The following SYT10 variants were observed in gnomAD, a reference collection of about 807,000 sequenced individuals.
SYT10 encodes the protein synaptotagmin-10.
In SYT10, 31 loss-of-function variants were observed where a neutral mutation model predicts 51.1. That is an observed-to-expected ratio of 0.61 (90% CI 0.46 to 0.82). The LOEUF (loss-of-function observed/expected upper bound fraction) is 0.82, where lower values mean the gene tolerates loss of function less well. SYT10 is among the 40% of genes least tolerant of loss of function. SYT10 has a pLI of 0.00. For missense variants in SYT10, 603 were observed against 634.0 expected (o/e 0.95, Z 0.53); for synonymous variants, 233 against 225.9 (o/e 1.03, Z -0.28).
chr12:33,438,502 A>G (rs2138445730), intron 1 of SYT10, among the ~76,000 whole-genome samples: 1 of 152,096 alleles, frequency 6.6e-6, no homozygotes, highest in East Asian at 1.9e-4. Context: ...AGTGGCTTGG[A>G]TTCGATCCTT....
chr12:33,439,416 C>G lies in SYT10; in HGVS notation c.107G>C (p.Gly36Ala). The G allele has an allele frequency of 6.2e-7, 1 of 1,614,124 alleles. No homozygotes were observed. Among genetic ancestry groups the G allele is most frequent in the Non-Finnish European group, 8.5e-7 (1 of 1,180,024 alleles). ...GCTGCCCCTGTCCCGAGGGAAGATG[C>G]CCGAGCACTTCTCCCACTCCACCTG... is the stretch of plus-strand genomic sequence containing the variant. ...AGQVEWEKCSGIFPRDRGSQG... is the reference protein window; with the variant it reads ...AGQVEWEKCSAIFPRDRGSQG... The change falls in exon 1 of 7, where the codon GGC becomes GCC. Residue 36 changes from glycine to alanine, a missense_variant. Gly to Ala is a moderately conservative substitution (Grantham distance 60). Transcript: ENST00000228567.
chr12:33,430,737 C>G (rs894664677), intron 1 of SYT10, among the ~76,000 whole-genome samples: 5 of 152,178 alleles, frequency 3.3e-5, no homozygotes, highest in Non-Finnish European at 7.4e-5. Flanking sequence ...TTTCCTGCTT[C>G]CTGTTGTTGC....
At chr12:33,437,438 T>C (rs894449372) in intron 1 of SYT10, among the ~76,000 whole-genome samples, 1 of 152,238 alleles carries the variant, frequency 6.6e-6, no homozygotes, top group African/African-American at 2.4e-5. Context: ...ACTATTTCTA[T>C]AATTCATATA....
At chr12:33,409,126 T>A (rs1488159844) in intron 2 of SYT10, among the ~76,000 whole-genome samples, 7 of 152,176 alleles carry the variant, frequency 4.6e-5, no homozygotes, top group Admixed American at 6.5e-5. Flanking sequence ...ACTTCTGTTG[T>A]CTATTGCAGC....
At chr12:33,401,362 T>C (rs6488159) in intron 3 of SYT10, among the ~76,000 whole-genome samples, 93,221 of 151,978 alleles carry the variant, frequency 0.61, 29,776 homozygotes, top group East Asian at 0.89. Context: ...TCTATGCTCG[T>C]ATTAGAGGTG....
intron 3 of SYT10, among the ~76,000 whole-genome samples, chr12:33,400,062 T>C (rs944818849): frequency 6.6e-6 from 1 of 152,202 alleles, no homozygotes; most frequent in African/African-American, 2.4e-5. Context: ...AGACAGCCCC[T>C]GACCAGAAAG....
chr12:33,395,886 T>C (rs1360740703), intron 3 of SYT10, among the ~76,000 whole-genome samples: 3 of 152,166 alleles, frequency 2.0e-5, no homozygotes, highest in African/African-American at 7.2e-5. Context: ...TTCCTTTCTC[T>C]TTAGTATATT....
chr12:33,388,206 TA>T (rs1866175114), intron 3 of SYT10, among the ~76,000 whole-genome samples: 1 of 152,198 alleles, frequency 6.6e-6, no homozygotes, highest in South Asian at 2.1e-4. Flanking sequence ...AATGCCTCAG[TA>T]ACTTAAACTC....
At chr12:33,422,367 T>A (rs530194292) in intron 2 of SYT10, among the ~76,000 whole-genome samples, 2 of 152,312 alleles carry the variant, frequency 1.3e-5, no homozygotes, top group East Asian at 3.9e-4. Flanking sequence ...TTTCCTGATT[T>A]TTATTACACT....
chr12:33,439,086 G>A (rs1422123407), intron 1 of SYT10, among the ~76,000 whole-genome samples: 1 of 152,268 alleles, frequency 6.6e-6, no homozygotes, highest in African/African-American at 2.4e-5. Flanking sequence ...AGGCGTGGGA[G>A]AACGCGGAGA....
chr12:33,409,638 C>T (rs904770298), intron 2 of SYT10, among the ~76,000 whole-genome samples: 1 of 151,956 alleles, frequency 6.6e-6, no homozygotes, highest in African/African-American at 2.4e-5. Flanking sequence ...CTCAGTCTTC[C>T]GAGTAGCTGG....
intron 3 of SYT10, 77 bp from the exon 4 acceptor site, chr12:33,385,368 C>T: frequency 1.9e-6 from 3 of 1,544,704 alleles, no homozygotes; most frequent in Non-Finnish European, 2.6e-6. Flanking sequence ...TAGTAGAATA[C>T]TGGAATGTCA....
At chr12:33,399,939 A>C (rs772194209) in intron 3 of SYT10, among the ~76,000 whole-genome samples, 1 of 152,152 alleles carries the variant, frequency 6.6e-6, no homozygotes, top group Non-Finnish European at 1.5e-5. Context: ...TATCGCAGAG[A>C]TGAAACAGAA....
chr12:33,417,980 A>G (rs920117860), intron 2 of SYT10, among the ~76,000 whole-genome samples: 1 of 152,164 alleles, frequency 6.6e-6, no homozygotes, highest in African/African-American at 2.4e-5. Context: ...TATTCACCCT[A>G]CTTTCTCTTT....
intron 6 of SYT10, among the ~76,000 whole-genome samples, chr12:33,379,297 G>A (rs779032516): frequency 6.6e-6 from 1 of 152,032 alleles, no homozygotes; most frequent in African/African-American, 2.4e-5. Context: ...CCTTGAACTC[G>A]ACTAAACTGA....
At chr12:33,386,167 T>C (rs1866154730) in intron 3 of SYT10, among the ~76,000 whole-genome samples, 1 of 152,102 alleles carries the variant, frequency 6.6e-6, no homozygotes, top group Non-Finnish European at 1.5e-5. Flanking sequence ...ATTACAGGCA[T>C]GCAACACCAC....
chr12:33,383,662 A>G (rs573170684), intron 4 of SYT10, among the ~76,000 whole-genome samples: 1 of 152,168 alleles, frequency 6.6e-6, no homozygotes, highest in South Asian at 2.1e-4. Flanking sequence ...CTTCTAATGA[A>G]CAGTGAGAAT....
intron 1 of SYT10, among the ~76,000 whole-genome samples, chr12:33,435,448 A>T (rs1343940161): frequency 6.6e-6 from 1 of 152,202 alleles, no homozygotes; most frequent in African/African-American, 2.4e-5. Flanking sequence ...TAGACATAGT[A>T]GAAGTTGGCC....
At chr12:33,433,088 T>C (rs1352952527) in intron 1 of SYT10, among the ~76,000 whole-genome samples, 1 of 152,092 alleles carries the variant, frequency 6.6e-6, no homozygotes, top group Non-Finnish European at 1.5e-5. Context: ...AATTACCCTA[T>C]AAAATAATAA....
Sources: allele counts gnomAD v4.1 joint callset (sites outside exome capture counted in the v4.1 genomes callset), GRCh38; gene constraint gnomAD v4.1.1; transcripts MANE v1.5; gene names NCBI Gene and HGNC (gene_info 2026-07-23, HGNC 2026-07-21).